ASNS: variants seen among roughly 807,000 people sequenced by gnomAD.
ASNS encodes the protein asparagine synthetase [glutamine-hydrolyzing].
In ASNS, 37 loss-of-function variants were observed where a neutral mutation model predicts 62.6. The ratio of observed to expected loss-of-function variants is 0.59; its 90% CI spans 0.45 to 0.78. The LOEUF (loss-of-function observed/expected upper bound fraction) is 0.78, where lower values mean the gene tolerates loss of function less well. Among genes scored for constraint, ASNS ranks in the 30% least tolerant of loss-of-function variants. The pLI, the probability that ASNS is intolerant of heterozygous loss-of-function variation, is 0.00. For missense variants in ASNS, 520 were observed against 682.4 expected (o/e 0.76, Z 2.65); for synonymous variants, 207 against 237.9 (o/e 0.87, Z 1.19).
the ASNS span, among the ~76,000 whole-genome samples, chr7:97,896,745 T>C: frequency 1.4e-3 from 91 of 66,388 alleles, 1 homozygote; most frequent in African/African-American, 3.2e-3. Flanking sequence ...CACACACATA[T>C]ATATATATAT....
intron 4 of ASNS, chr7:97,863,168 G>C (rs1161828150): frequency 6.6e-6 from 1 of 152,156 alleles, no homozygotes; most frequent in Non-Finnish European, 1.5e-5. Context: ...ACAAAAACTT[G>C]TACACCAATG....
chr7:97,877,284 G>A (rs1273201200), upstream of ASNS, among the ~76,000 whole-genome samples: 4 of 151,834 alleles, frequency 2.6e-5, no homozygotes, highest in Non-Finnish European at 5.9e-5. Context: ...TAGTAGAGAC[G>A]GGGTTTTACC....
chr7:97,895,178 A>G, the ASNS span, among the ~76,000 whole-genome samples: 1 of 152,262 alleles, frequency 6.6e-6, no homozygotes, highest in Non-Finnish European at 1.5e-5. Flanking sequence ...CCATTCCTTC[A>G]TGATGAAAAC....
chr7:97,896,741 C>CATATATATAT, the ASNS span, among the ~76,000 whole-genome samples: 191 of 19,738 alleles, frequency 9.7e-3, 8 homozygotes, highest in Admixed American at 0.014. Context: ...CACACACACA[C>CATATATATAT]ATATATATAT....
chr7:97,901,468 C>T, the ASNS span, among the ~76,000 whole-genome samples: 2 of 152,314 alleles, frequency 1.3e-5, no homozygotes, highest in East Asian at 1.9e-4. Context: ...GCTGGCATTA[C>T]AGGCATGAGC....
At chr7:97,887,283 C>T in the ASNS span, among the ~76,000 whole-genome samples, 5 of 152,154 alleles carry the variant, frequency 3.3e-5, no homozygotes, top group African/African-American at 1.2e-4. Context: ...CCAGTCAGGC[C>T]CCCATTGCCT....
chr7:97,865,911 G>A (rs1233873664), intron 3 of ASNS, among the ~76,000 whole-genome samples: 1 of 152,244 alleles, frequency 6.6e-6, no homozygotes, highest in East Asian at 1.9e-4. Flanking sequence ...GGCTGAGAGG[G>A]TCTTTTTTCC....
At chr7:97,908,589 A>C in the ASNS span, among the ~76,000 whole-genome samples, 1 of 152,022 alleles carries the variant, frequency 6.6e-6, no homozygotes, top group Non-Finnish European at 1.5e-5. Context: ...TTTAGTAGAG[A>C]TGGGGTTTCA....
chr7:97,877,879 C>T, the ASNS span, among the ~76,000 whole-genome samples: 5 of 152,182 alleles, frequency 3.3e-5, no homozygotes, highest in African/African-American at 1.2e-4. Flanking sequence ...TTGGCCAAAT[C>T]ACAAGCTCTG....
chr7:97,864,538 A>G (rs1346804082), intron 3 of ASNS, 42 bp from the exon 4 acceptor site: 2 of 1,340,788 alleles, frequency 1.5e-6, no homozygotes, highest in Non-Finnish European at 2.1e-6. Flanking sequence ...GACTCCTTGT[A>G]CATTCACTAA....
chr7:97,906,651 T>C, the ASNS span: 323 of 160,886 alleles, frequency 2.0e-3, 3 homozygotes, highest in Non-Finnish European at 2.9e-3. Flanking sequence ...TTCTCTAATA[T>C]AACCTTGTGT....
At position 97,851,882 on chromosome 7, in the gene ASNS, G is replaced by C. The variant is rs1791198172; in HGVS notation, c.*377C>G. On this transcript the variant is annotated 3_prime_UTR_variant, in exon 13 of 13. Transcript: ENST00000394308. Reference sequence around the variant, plus strand: ...TAGGCAGCTGTTAGGAATGTAGGCAGAACAAAAATAGTGTAGTCCTTTGAT... The same window carrying C: ...TAGGCAGCTGTTAGGAATGTAGGCACAACAAAAATAGTGTAGTCCTTTGAT... 4.4e-6 allele frequency: 1 copy of C among 226,726 alleles called. No individual in the cohort carries two copies. The highest frequency in any genetic ancestry group is 7.2e-5 in the South Asian group (1 of 13,932). The allele number at this position is 226,726 out of a possible 1,614,324, so 14.0% of individuals were successfully genotyped here. A position where few individuals can be genotyped will look rare whatever the true frequency, so the allele number is the denominator to read the frequency against.
chr7:97,860,645 A>C (rs1259948778), intron 4 of ASNS, among the ~76,000 whole-genome samples: 1 of 152,204 alleles, frequency 6.6e-6, no homozygotes, highest in Non-Finnish European at 1.5e-5. Context: ...CTGAAAATTA[A>C]GTGAGAAAGA....
the ASNS span, among the ~76,000 whole-genome samples, chr7:97,902,065 G>A: frequency 6.6e-6 from 1 of 152,170 alleles, no homozygotes; most frequent in Non-Finnish European, 1.5e-5. Flanking sequence ...TTAAGAGCAT[G>A]AGTCATCCAC....
the ASNS span, among the ~76,000 whole-genome samples, chr7:97,878,414 C>T: frequency 2.0e-5 from 3 of 152,094 alleles, no homozygotes; most frequent in African/African-American, 7.2e-5. Context: ...ATTCAGCAAA[C>T]CCCATCTCTA....
At chr7:97,927,175 C>T in the ASNS span, among the ~76,000 whole-genome samples, 3 of 150,230 alleles carry the variant, frequency 2.0e-5, no homozygotes, top group African/African-American at 7.3e-5. Context: ...CCCCTTCGGC[C>T]TCTCAAAGTG....
chr7:97,889,488 G>T, the ASNS span, among the ~76,000 whole-genome samples: 2 of 151,448 alleles, frequency 1.3e-5, no homozygotes, highest in Non-Finnish European at 2.9e-5. Flanking sequence ...CTGCACTCCA[G>T]CCTGGTGACA....
At chr7:97,893,798 T>C in the ASNS span, among the ~76,000 whole-genome samples, 9 of 152,208 alleles carry the variant, frequency 5.9e-5, no homozygotes, top group Admixed American at 2.0e-4. Flanking sequence ...AATATCCTAC[T>C]CTCAGCATTG....
upstream of ASNS, among the ~76,000 whole-genome samples, chr7:97,873,064 A>AT (rs1244470001): frequency 2.0e-5 from 3 of 152,244 alleles, no homozygotes; most frequent in Admixed American, 6.5e-5. Context: ...GGAGACCCCC[A>AT]TCTCTAAAAC....
Sources: allele counts gnomAD v4.1 joint callset (sites outside exome capture counted in the v4.1 genomes callset), GRCh38; gene constraint gnomAD v4.1.1; transcripts MANE v1.5; gene names NCBI Gene and HGNC (gene_info 2026-07-23, HGNC 2026-07-21).